Variants in FOXP2 observed in about 807,000 individuals in gnomAD.
FOXP2 encodes the protein forkhead box protein P2.
In FOXP2, 12 loss-of-function variants were observed where a neutral mutation model predicts 115.8. That is an observed-to-expected ratio of 0.10 (90% CI 0.07 to 0.17). The LOEUF (loss-of-function observed/expected upper bound fraction) is 0.17. Ranked by LOEUF, FOXP2 falls within the 10% of genes least tolerant of loss-of-function variation. FOXP2 has a pLI of 1.00. For synonymous variants in FOXP2, 328 were observed against 297.7 expected (o/e 1.10, Z -1.05); for missense variants, 629 against 843.5 (o/e 0.75, Z 3.15).
intron 2 of FOXP2, among the ~76,000 whole-genome samples, chr7:114,381,099 G>C (rs921644234): frequency 2.0e-5 from 3 of 152,188 alleles, no homozygotes; most frequent in Admixed American, 6.5e-5. Flanking sequence ...TAATGGTCTG[G>C]CTATTTTGTC....
At chr7:114,148,830 C>T (rs909049436) in intron 1 of FOXP2, among the ~76,000 whole-genome samples, 2 of 152,136 alleles carry the variant, frequency 1.3e-5, no homozygotes, top group Non-Finnish European at 2.9e-5. Flanking sequence ...CCACATCTGT[C>T]TTCTTTGCTT....
intron 1 of FOXP2, among the ~76,000 whole-genome samples, chr7:114,257,451 C>CTTTT (rs35852445): frequency 1.5e-4 from 14 of 92,140 alleles, no homozygotes; most frequent in East Asian, 8.1e-4. Context: ...TCTTTTCTTT[C>CTTTT]TTTTTTTTTT....
At chr7:114,294,863 A>ATACATACATAC (rs1562858444) in intron 2 of FOXP2, among the ~76,000 whole-genome samples, 2 of 150,236 alleles carry the variant, frequency 1.3e-5, no homozygotes, top group African/African-American at 5.0e-5. Flanking sequence ...TAAATAAATA[A>ATACATACATAC]ATACATACAT....
intron 2 of FOXP2, among the ~76,000 whole-genome samples, chr7:114,458,055 A>G (rs1795396893): frequency 6.6e-6 from 1 of 152,186 alleles, no homozygotes; most frequent in Admixed American, 6.5e-5. Context: ...AATCATACCC[A>G]TATAAATCAA....
At chr7:114,615,761 A>G (rs1803915164) in intron 3 of FOXP2, among the ~76,000 whole-genome samples, 1 of 152,152 alleles carries the variant, frequency 6.6e-6, no homozygotes, top group African/African-American at 2.4e-5. Context: ...TCCCTTGCTG[A>G]GGTCTGCAGC....
intron 2 of FOXP2, among the ~76,000 whole-genome samples, chr7:114,301,196 C>A (rs989836314): frequency 6.6e-6 from 1 of 151,802 alleles, no homozygotes; most frequent in Non-Finnish European, 1.5e-5. Context: ...TTTTTCAAAA[C>A]GCTGAAAACC....
rs112266930 is a variant in FOXP2, at chr7:114,283,773, G to A, written c.-101-4246G>A. Among the ~76,000 whole-genome samples, 202 of 152,102 alleles carry A rather than the reference G, an allele frequency of 1.3e-3. 1 individual carries two copies. Among genetic ancestry groups the A allele is most frequent in the African/African-American group, 4.3e-3 (180 of 41,494 alleles). On this transcript the variant is annotated intron_variant, in intron 1 of 17. Coordinates refer to the FOXP2 transcript ENST00000634411. ...AGCCCAGGAGGTCGAAACCAGCTTG[G>A]GCAACATAGGGAGACTCTGACTCTA...
chr7:114,307,378 C>T (rs79431872), intron 2 of FOXP2, among the ~76,000 whole-genome samples: 2 of 152,140 alleles, frequency 1.3e-5, no homozygotes, highest in East Asian at 3.9e-4. Context: ...TTTAGCCAGA[C>T]AAGATGTAGT....
intron 2 of FOXP2, among the ~76,000 whole-genome samples, chr7:114,472,812 G>A (rs547514364): frequency 2.0e-5 from 3 of 152,210 alleles, no homozygotes; most frequent in East Asian, 3.9e-4. Context: ...AAATGGTTCT[G>A]AGTTACCAAT....
At chr7:114,219,879 T>C (rs1168411919) in intron 1 of FOXP2, among the ~76,000 whole-genome samples, 1 of 151,826 alleles carries the variant, frequency 6.6e-6, no homozygotes, top group East Asian at 1.9e-4. Flanking sequence ...TTTTTTCTAA[T>C]GGAGTTTCGC....
intron 2 of FOXP2, among the ~76,000 whole-genome samples, chr7:114,441,463 A>G (rs1335335300): frequency 3.9e-5 from 6 of 152,110 alleles, no homozygotes; most frequent in Non-Finnish European, 8.8e-5. Flanking sequence ...AAAAAAAAAA[A>G]TTGGAGTGGA....
chr7:114,208,596 G>C (rs922156406), intron 1 of FOXP2, among the ~76,000 whole-genome samples: 1 of 152,000 alleles, frequency 6.6e-6, no homozygotes, highest in African/African-American at 2.4e-5. Context: ...TGGTTTGGCT[G>C]TGTCCCCACT....
chr7:114,500,157 A>G (rs928795107), intron 2 of FOXP2, among the ~76,000 whole-genome samples: 1 of 149,344 alleles, frequency 6.7e-6, no homozygotes, highest in Non-Finnish European at 1.5e-5. Context: ...CGGAGCTTGC[A>G]GTGAGCCGAG....
At chr7:114,537,416 G>T (rs1305336271) in intron 3 of FOXP2, among the ~76,000 whole-genome samples, 2 of 151,488 alleles carry the variant, frequency 1.3e-5, no homozygotes, top group African/African-American at 4.8e-5. Flanking sequence ...TTTTGATAGA[G>T]AACTATTTTA....
chr7:114,600,982 G>A (rs1161148332), intron 3 of FOXP2, among the ~76,000 whole-genome samples: 2 of 139,130 alleles, frequency 1.4e-5, no homozygotes, highest in East Asian at 4.3e-4. Flanking sequence ...TTAATTTTTT[G>A]AAACAGAGTC....
At chr7:114,392,646 C>G (rs1260133079) in intron 2 of FOXP2, among the ~76,000 whole-genome samples, 2 of 152,150 alleles carry the variant, frequency 1.3e-5, no homozygotes, top group Non-Finnish European at 2.9e-5. Flanking sequence ...TGTCTCTGGT[C>G]TTCTTTCATT....
intron 1 of FOXP2, among the ~76,000 whole-genome samples, chr7:114,220,107 G>T (rs1465100850): frequency 6.7e-6 from 1 of 150,106 alleles, no homozygotes; most frequent in Non-Finnish European, 1.5e-5. Flanking sequence ...CTGACCTTGT[G>T]ATCCGCCTGC....
intron 1 of FOXP2, among the ~76,000 whole-genome samples, chr7:114,185,054 G>T (rs1793556378): frequency 6.6e-6 from 1 of 151,992 alleles, no homozygotes; most frequent in South Asian, 2.1e-4. Flanking sequence ...AACTTACCTA[G>T]ATTTAAAGAA....
At chr7:114,158,999 G>C (rs1040052538), upstream of FOXP2, among the ~76,000 whole-genome samples, 3 of 152,094 alleles carry the variant, frequency 2.0e-5, 1 homozygote, top group South Asian at 6.2e-4. Context: ...TAACCAGTAG[G>C]TACTTTGAAT....
Sources: gnomAD v4.1 joint callset for allele counts (sites outside exome capture counted in the v4.1 genomes callset) on GRCh38, gnomAD v4.1.1 for gene constraint, MANE v1.5 for transcripts, NCBI Gene and HGNC (gene_info 2026-07-23, HGNC 2026-07-21) for gene names.